Variants in PAX8 observed in about 807,000 individuals in gnomAD.
PAX8 encodes the protein paired box 8.
PAX8 carries 15 observed loss-of-function variants against 52.4 expected under a neutral mutation model. That is an observed-to-expected ratio of 0.29 (90% CI 0.19 to 0.44). PAX8 has a LOEUF of 0.44. Among genes scored for constraint, PAX8 ranks in the 20% least tolerant of loss-of-function variants. PAX8 has a pLI of 1.00. For missense variants in PAX8, 554 were observed against 602.5 expected, an observed-to-expected ratio of 0.92 and a Z score of 0.84; for synonymous variants, 284 against 249.7, an observed-to-expected ratio of 1.14 and a Z score of -1.29.
intron 2 of PAX8, among the ~76,000 whole-genome samples, chr2:113,253,378 T>A (rs1375091753): frequency 6.6e-6 from 1 of 152,232 alleles, no homozygotes; most frequent in Non-Finnish European, 1.5e-5. Flanking sequence ...TTTCAATTTC[T>A]ATTGGAGATT....
At chr2:113,248,529 G>C (rs1691505863) in intron 2 of PAX8, among the ~76,000 whole-genome samples, 1 of 152,220 alleles carries the variant, frequency 6.6e-6, no homozygotes, top group Non-Finnish European at 1.5e-5. Context: ...ACTGTTTATG[G>C]CCGAGGGTGG....
chr2:113,247,028 C>G, intron 2 of PAX8, 109 bp from the exon 3 acceptor site: 1 of 1,068,098 alleles, frequency 9.4e-7, no homozygotes, highest in Non-Finnish European at 1.4e-6. Flanking sequence ...TGACTGTGAC[C>G]ATGAAATCCC....
At chr2:113,229,734 T>C (rs1573418750) in intron 9 of PAX8, among the ~76,000 whole-genome samples, 1 of 152,164 alleles carries the variant, frequency 6.6e-6, no homozygotes, top group African/African-American at 2.4e-5. Context: ...TGAAGAAGAA[T>C]ACAACACAAT....
chr2:113,269,615 AAAT>A (rs1693328958), intron 2 of PAX8: 1 of 152,218 alleles, frequency 6.6e-6, no homozygotes, highest in African/African-American at 2.4e-5. Context: ...AGAGACTTTT[AAAT>A]GTCAACCAGG....
chr2:113,274,884 C>T (rs916628854), intron 2 of PAX8: 2 of 152,142 alleles, frequency 1.3e-5, no homozygotes, highest in Non-Finnish European at 2.9e-5. Context: ...TGAGTGTATC[C>T]ATAGGAAAAT....
At chr2:113,251,504 G>A (rs2082616091) in intron 2 of PAX8, among the ~76,000 whole-genome samples, 1 of 152,144 alleles carries the variant, frequency 6.6e-6, no homozygotes, top group Non-Finnish European at 1.5e-5. Context: ...CCGCCTGGCC[G>A]GATGCAAGCA....
intron 3 of PAX8, among the ~76,000 whole-genome samples, chr2:113,245,915 A>C (rs1035184447): frequency 1.3e-5 from 2 of 152,182 alleles, no homozygotes; most frequent in Non-Finnish European, 2.9e-5. Context: ...TTGTCCAACC[A>C]GGGCTCCTCC....
intron 5 of PAX8, 59 bp from the exon 6 acceptor site, chr2:113,242,189 G>T (rs1210546488): frequency 3.9e-6 from 6 of 1,522,334 alleles, no homozygotes; most frequent in East Asian, 2.3e-5. Flanking sequence ...ACAGCCCTGG[G>T]TGACTCTGGG....
At chr2:113,234,979 G>A (rs1690154826) in intron 9 of PAX8, among the ~76,000 whole-genome samples, 2 of 152,238 alleles carry the variant, frequency 1.3e-5, no homozygotes, top group South Asian at 4.1e-4. Flanking sequence ...CTGCATCATG[G>A]AAACACAACT....
At chr2:113,245,295 C>T (rs1231718412) in intron 3 of PAX8, among the ~76,000 whole-genome samples, 1 of 152,200 alleles carries the variant, frequency 6.6e-6, no homozygotes, top group African/African-American at 2.4e-5. Context: ...ATCCGCCCAC[C>T]TTGGCCTCCC....
At position 113,216,802 on chromosome 2, in the gene PAX8, G is replaced by A. The variant is rs965378258; in HGVS notation, c.*1731C>T. On this transcript the variant is annotated 3_prime_UTR_variant, in exon 12 of 12. Transcript: ENST00000429538. ...GGACTCTGGGGTTTTGGGTAAAAGC[G>A]TTGGGCTTAGAGTAAGAGGACTTGG... The A allele has an allele frequency of 1.0e-4, 23 of 228,374 alleles. No individual in the cohort carries two copies. The highest frequency in any genetic ancestry group is 3.6e-4 in the African/African-American group (16 of 45,068). The allele number at this position is 228,374 out of a possible 1,614,324, so 14.1% of individuals were successfully genotyped here. A position where few individuals can be genotyped will look rare whatever the true frequency, so the allele number is the denominator to read the frequency against.
chr2:113,226,175 G>A (rs941294983), intron 10 of PAX8: 2 of 985,384 alleles, frequency 2.0e-6, no homozygotes, highest in Middle Eastern at 5.2e-4. Flanking sequence ...AGAGTGGGTG[G>A]CTGGCAAAGA....
chr2:113,231,509 C>T (rs557993073), intron 9 of PAX8, among the ~76,000 whole-genome samples: 3 of 151,906 alleles, frequency 2.0e-5, no homozygotes, highest in East Asian at 3.9e-4. Flanking sequence ...AGCCACCAGG[C>T]GGAAATAAGT....
intron 2 of PAX8, among the ~76,000 whole-genome samples, chr2:113,262,604 G>A (rs1375644958): frequency 1.3e-5 from 2 of 152,156 alleles, no homozygotes; most frequent in African/African-American, 4.8e-5. Flanking sequence ...CACCACCCTA[G>A]CACCTTGGAA....
At chr2:113,261,921 C>T (rs973971606) in intron 2 of PAX8, among the ~76,000 whole-genome samples, 3 of 152,108 alleles carry the variant, frequency 2.0e-5, no homozygotes, top group South Asian at 4.2e-4. Context: ...CCGCCCCACC[C>T]GGGTTCAAGC....
chr2:113,227,177 A>G lies in PAX8; in HGVS notation c.1167T>C (p.Ser389=). The G allele has an allele frequency of 6.2e-7, 1 of 1,605,084 alleles. No individual in the cohort carries two copies. Among genetic ancestry groups the G allele is most frequent in the Non-Finnish European group, 8.5e-7 (1 of 1,176,506 alleles). The part of the protein sequence containing the change: ...PTSGQGSYAS[S]AIAGMVAGSE... Reference sequence around the variant, plus strand: ...TACCTGCCACCATGCCTGCGATGGCAGAGGAGGCATAGCTGCCCTGTCCGC... The same window carrying G: ...TACCTGCCACCATGCCTGCGATGGCGGAGGAGGCATAGCTGCCCTGTCCGC... The change falls in exon 10 of 12, where the codon TCT becomes TCC. Residue 389 remains serine, a synonymous_variant. Coordinates refer to ENST00000429538, the MANE Select transcript of PAX8 (RefSeq NM_003466.4).
chr2:113,278,381 G>A lies in PAX8; in HGVS notation c.14C>T (p.Ser5Phe). The A allele has an allele frequency of 6.2e-7, 1 of 1,609,038 alleles. No individual in the cohort carries two copies. The highest frequency in any genetic ancestry group is 2.2e-5 in the East Asian group (1 of 44,792). Reference sequence around the variant, plus strand: ...CACCGCGTTCTTACCAGATCTGATGGAGTTGTGAGGCATCGCCGGGGAGTC... The same window carrying A: ...CACCGCGTTCTTACCAGATCTGATGAAGTTGTGAGGCATCGCCGGGGAGTC... MPHN[S>F]IRSGHGGLNQ... The change falls in exon 2 of 12, where the codon TCC becomes TTC. Residue 5 changes from serine to phenylalanine, a missense_variant. Around this residue, in one of 2 missense-constraint regions of PAX8, gnomAD observed 109 missense variants for 192.7 expected, o/e 0.57. Coordinates refer to ENST00000429538, the MANE Select transcript of PAX8 (RefSeq NM_003466.4).
At chr2:113,243,146 G>A (rs1001145832) in intron 4 of PAX8, among the ~76,000 whole-genome samples, 1 of 152,132 alleles carries the variant, frequency 6.6e-6, no homozygotes, top group African/African-American at 2.4e-5. Flanking sequence ...AGTGTTCCAG[G>A]GTCACTCAGT....
intron 2 of PAX8, chr2:113,266,883 T>C (rs767307158): frequency 1.3e-5 from 2 of 152,236 alleles, no homozygotes; most frequent in East Asian, 1.9e-4. Context: ...CCCTGTGGGG[T>C]AAAACTGTTT....
Sources: gnomAD v4.1 joint callset for allele counts (sites outside exome capture counted in the v4.1 genomes callset) on GRCh38, gnomAD v4.1.1 for gene constraint, gnomAD v4.1.1 regional missense constraint, MANE v1.5 for transcripts, NCBI Gene and HGNC (gene_info 2026-07-23, HGNC 2026-07-21) for gene names.